GPR158: variants seen among roughly 807,000 people sequenced by gnomAD.
The protein encoded by GPR158 is G protein-coupled receptor 158, also known as metabotropic glycine receptor.
GPR158 carries 30 observed loss-of-function variants against 78.2 expected under a neutral mutation model. The observed-to-expected ratio is 0.38, with a 90% confidence interval of 0.29 to 0.52. GPR158 has a LOEUF of 0.52. Ranked by LOEUF, GPR158 falls within the 20% of genes least tolerant of loss-of-function variation. The pLI is 0.83. For synonymous variants in GPR158, 581 were observed against 591.1 expected (o/e 0.98, Z 0.25); for missense variants, 1,463 against 1,523.5 (o/e 0.96, Z 0.66).
At chr10:25,388,341 C>T (rs1411351895) in intron 2 of GPR158, among the ~76,000 whole-genome samples, 1 of 152,130 alleles carries the variant, frequency 6.6e-6, no homozygotes, top group African/African-American at 2.4e-5. Context: ...TGGCCTGAGT[C>T]CCTGAGGCAG....
intron 2 of GPR158, among the ~76,000 whole-genome samples, chr10:25,259,524 T>C (rs1003331932): frequency 4.6e-5 from 7 of 152,196 alleles, no homozygotes; most frequent in Non-Finnish European, 5.9e-5. Context: ...TAAGATTTGC[T>C]ATCTGGCAGA....
chr10:25,529,710 G>T (rs1251650188), intron 5 of GPR158, among the ~76,000 whole-genome samples: 1 of 152,170 alleles, frequency 6.6e-6, no homozygotes, highest in East Asian at 1.9e-4. Context: ...TGGGGTTAAA[G>T]GAAACAGGAA....
At chr10:25,179,872 A>G (rs905282447) in intron 1 of GPR158, among the ~76,000 whole-genome samples, 2 of 152,164 alleles carry the variant, frequency 1.3e-5, no homozygotes, top group Non-Finnish European at 2.9e-5. Context: ...TTAGCTTTGT[A>G]ATATCCTTGA....
chr10:25,203,884 T>C (rs1235014175), intron 1 of GPR158, among the ~76,000 whole-genome samples: 1 of 144,884 alleles, frequency 6.9e-6, no homozygotes, highest in Non-Finnish European at 1.5e-5. Context: ...ATTCTTCCTA[T>C]CCATGAGCAT....
intron 6 of GPR158, among the ~76,000 whole-genome samples, chr10:25,559,962 T>C (rs909946124): frequency 6.6e-6 from 1 of 152,218 alleles, no homozygotes; most frequent in East Asian, 1.9e-4. Context: ...GTTTTTAATA[T>C]AGTGGTGTGC....
intron 4 of GPR158, among the ~76,000 whole-genome samples, chr10:25,444,174 C>T (rs1170820670): frequency 6.6e-6 from 1 of 151,676 alleles, no homozygotes; most frequent in African/African-American, 2.4e-5. Flanking sequence ...TCCTCTACTG[C>T]AGTCTGTGAC....
At chr10:25,321,539 T>C (rs764514949) in intron 2 of GPR158, among the ~76,000 whole-genome samples, 29 of 152,220 alleles carry the variant, frequency 1.9e-4, no homozygotes, top group Non-Finnish European at 3.7e-4. Context: ...TAGATGTTTT[T>C]GGTATAATTT....
intron 4 of GPR158, among the ~76,000 whole-genome samples, chr10:25,439,239 C>A (rs140696555): frequency 2.0e-5 from 3 of 152,166 alleles, no homozygotes; most frequent in African/African-American, 4.8e-5. Context: ...GTGAAAGCCA[C>A]GTCTCACATG....
At chr10:25,557,404 A>G (rs1836800225) in intron 6 of GPR158, among the ~76,000 whole-genome samples, 1 of 152,224 alleles carries the variant, frequency 6.6e-6, no homozygotes, top group Non-Finnish European at 1.5e-5. Flanking sequence ...GCTTATCATT[A>G]GGAATGGCTC....
At chr10:25,268,426 C>T (rs960693082) in intron 2 of GPR158, among the ~76,000 whole-genome samples, 7 of 151,996 alleles carry the variant, frequency 4.6e-5, no homozygotes, top group African/African-American at 1.4e-4. Flanking sequence ...TTCCTGGATT[C>T]GATCAAATTC....
intron 5 of GPR158, among the ~76,000 whole-genome samples, chr10:25,490,867 AGT>A (rs1835800607): frequency 6.6e-6 from 1 of 152,166 alleles, no homozygotes. Flanking sequence ...TTTTATATAC[AGT>A]GTGTATACAC....
chr10:25,519,587 A>G (rs1462008006), intron 5 of GPR158, among the ~76,000 whole-genome samples: 11 of 143,510 alleles, frequency 7.7e-5, no homozygotes, highest in African/African-American at 3.2e-4. Context: ...AAAATCTCTC[A>G]GCATTTGCTT....
intron 2 of GPR158, among the ~76,000 whole-genome samples, chr10:25,359,079 T>A (rs886895590): frequency 1.3e-5 from 2 of 152,064 alleles, no homozygotes; most frequent in South Asian, 4.1e-4. Flanking sequence ...CTTGTTATCA[T>A]TGATAAATTT....
intron 1 of GPR158, among the ~76,000 whole-genome samples, chr10:25,182,728 CAT>C (rs1852628004): frequency 6.6e-6 from 1 of 152,186 alleles, no homozygotes; most frequent in Non-Finnish European, 1.5e-5. Flanking sequence ...TTGGATTCAA[CAT>C]ACACTGCATT....
intron 4 of GPR158, among the ~76,000 whole-genome samples, chr10:25,432,352 A>G (rs2480351): frequency 0.7 from 106,396 of 152,036 alleles, 38,237 homozygotes; most frequent in Non-Finnish European, 0.8. Context: ...GCTGATGACT[A>G]TAAACTGATA....
chr10:25,464,297 C>T (rs944622584), intron 4 of GPR158, among the ~76,000 whole-genome samples: 1 of 152,156 alleles, frequency 6.6e-6, no homozygotes, highest in South Asian at 2.1e-4. Flanking sequence ...GAAGATATTG[C>T]AGGATGGAAG....
chr10:25,580,948 C>T (rs1466046987), intron 7 of GPR158, among the ~76,000 whole-genome samples: 1 of 135,560 alleles, frequency 7.4e-6, no homozygotes, highest in Non-Finnish European at 1.6e-5. Flanking sequence ...GACGGAGTCT[C>T]GCTCTGTTGC....
intron 4 of GPR158, among the ~76,000 whole-genome samples, chr10:25,427,298 G>A (rs928676367): frequency 5.3e-5 from 8 of 152,046 alleles, no homozygotes; most frequent in Admixed American, 2.6e-4. Flanking sequence ...TCATTATGGA[G>A]GGAGACTCAT....
intron 2 of GPR158, among the ~76,000 whole-genome samples, chr10:25,297,516 T>TC (rs1213171844): frequency 6.6e-6 from 1 of 152,106 alleles, no homozygotes; most frequent in African/African-American, 2.4e-5. Flanking sequence ...CATAAACGTT[T>TC]TTTTTACATT....
Sources: allele counts gnomAD v4.1 joint callset (sites outside exome capture counted in the v4.1 genomes callset), GRCh38; gene constraint gnomAD v4.1.1; transcripts MANE v1.5; gene names NCBI Gene and HGNC (gene_info 2026-07-23, HGNC 2026-07-21).